The following RANBP2 variants were observed in gnomAD, a reference collection of about 807,000 sequenced individuals.
RANBP2 encodes the protein E3 SUMO-protein ligase RanBP2.
A neutral mutation model predicts 303.6 loss-of-function variants in RANBP2; 57 were observed. That is an observed-to-expected ratio of 0.19 (90% CI 0.15 to 0.23). RANBP2 has a LOEUF of 0.23. RANBP2 is among the 10% of genes least tolerant of loss of function. The probability of loss-of-function intolerance (pLI) is 1.00; values close to 1 mark genes in which losing one functional copy is unlikely to be tolerated. For synonymous variants in RANBP2, 1,167 were observed against 1,301.5 expected (o/e 0.90, Z 2.23); for missense variants, 3,138 against 3,780.8 (o/e 0.83, Z 4.46).
At chr2:109,398,093 C>T in the RANBP2 span, among the ~76,000 whole-genome samples, 2 of 152,186 alleles carry the variant, frequency 1.3e-5, no homozygotes, top group Non-Finnish European at 2.9e-5. Flanking sequence ...GACTCCCCTG[C>T]CACAGCCGGT....
At chr2:109,432,531 G>A in the RANBP2 span, 1 of 1,613,666 alleles carries the variant, frequency 6.2e-7, no homozygotes, top group South Asian at 1.1e-5. Context: ...ACAAGCCCCA[G>A]AAGAGTGACG....
At chr2:109,632,577 G>T in the RANBP2 span, among the ~76,000 whole-genome samples, 2 of 152,192 alleles carry the variant, frequency 1.3e-5, no homozygotes, top group East Asian at 3.9e-4. Context: ...ACTTTGGGAG[G>T]CCAAGGCAGG....
chr2:109,611,454 T>G, the RANBP2 span, among the ~76,000 whole-genome samples: 1 of 151,722 alleles, frequency 6.6e-6, no homozygotes, highest in Non-Finnish European at 1.5e-5. Flanking sequence ...GAATCTAGTA[T>G]ACCTAAAAAA....
At chr2:108,944,066 CG>C in the RANBP2 span, among the ~76,000 whole-genome samples, 1 of 152,208 alleles carries the variant, frequency 6.6e-6, no homozygotes, top group Non-Finnish European at 1.5e-5. Context: ...TATCCAGCCA[CG>C]TAGGAGCAAA....
At chr2:109,148,817 G>C in the RANBP2 span, among the ~76,000 whole-genome samples, 1 of 150,620 alleles carries the variant, frequency 6.6e-6, no homozygotes, top group East Asian at 1.9e-4. Context: ...TCTCAAAAAT[G>C]TGTAGGGACA....
At chr2:108,761,776 A>G (rs931014130) in intron 18 of RANBP2, among the ~76,000 whole-genome samples, 26 of 152,152 alleles carry the variant, frequency 1.7e-4, no homozygotes, top group Admixed American at 5.2e-4. Flanking sequence ...CTGAATGTCC[A>G]TAATTCCACA....
At chr2:109,531,473 G>A in the RANBP2 span, among the ~76,000 whole-genome samples, 6 of 152,318 alleles carry the variant, frequency 3.9e-5, 1 homozygote, top group South Asian at 4.1e-4. Flanking sequence ...AAATCATGGC[G>A]AATCCAATCC....
At chr2:109,222,298 T>G in the RANBP2 span, among the ~76,000 whole-genome samples, 1 of 152,314 alleles carries the variant, frequency 6.6e-6, no homozygotes, top group South Asian at 2.1e-4. Flanking sequence ...GGTGATTAGT[T>G]AACAACAATT....
Position 108,767,711 on chromosome 2 carries a change from C to G in RANBP2, c.7172C>G (p.Thr2391Ser), listed in dbSNP as rs2433786. ...CANHRITPDM[T>S]LQNMKGTERV... ...AATCACAGAATAACTCCAGACATGACTTTGCAAAATATGAAAGGGACAGAA... is the reference window on the plus strand; with the variant it reads ...AATCACAGAATAACTCCAGACATGAGTTTGCAAAATATGAAAGGGACAGAA... The change falls in exon 20 of 29, where the codon ACT becomes AGT. Residue 2391 changes from threonine (T) to serine (S), a missense_variant. By Grantham distance (58) the Thr-to-Ser change is moderately conservative (BLOSUM62 1). Around this residue, in one of 20 missense-constraint regions of RANBP2, gnomAD observed 92 missense variants for 211.0 expected, o/e 0.44. Coordinates refer to ENST00000283195, the MANE Select transcript of RANBP2 (RefSeq NM_006267.5). 4.1e-3 allele frequency: 6,547 copies of G among 1,596,446 alleles called. 79 individuals carry two copies. Among genetic ancestry groups the G allele is most frequent in the Non-Finnish European group, 4.9e-3 (5,693 of 1,165,310 alleles).
At chr2:109,283,949 G>A in the RANBP2 span, among the ~76,000 whole-genome samples, 1,628 of 152,250 alleles carry the variant, frequency 0.011, 28 homozygotes, top group African/African-American at 0.036. Context: ...CCGTGTTTCC[G>A]CCTCCCTCCT....
the RANBP2 span, among the ~76,000 whole-genome samples, chr2:109,424,705 G>A: frequency 6.6e-6 from 1 of 152,296 alleles, no homozygotes; most frequent in East Asian, 1.9e-4. Context: ...ATAAGACAGC[G>A]AACTTACTCG....
chr2:109,428,579 C>T, the RANBP2 span, among the ~76,000 whole-genome samples: 1 of 152,256 alleles, frequency 6.6e-6, no homozygotes, highest in Non-Finnish European at 1.5e-5. Flanking sequence ...TGTACTTGTC[C>T]TCAGCAACCT....
the RANBP2 span, among the ~76,000 whole-genome samples, chr2:109,335,790 A>G: frequency 6.6e-6 from 1 of 152,234 alleles, no homozygotes; most frequent in Non-Finnish European, 1.5e-5. Flanking sequence ...TAAATGTCCT[A>G]AAACCACTTC....
At chr2:109,718,763 A>C in the RANBP2 span, among the ~76,000 whole-genome samples, 1 of 152,070 alleles carries the variant, frequency 6.6e-6, no homozygotes. Context: ...GCAGATCATG[A>C]GGTCAGGAGA....
the RANBP2 span, among the ~76,000 whole-genome samples, chr2:109,226,624 T>G: frequency 6.6e-6 from 1 of 152,206 alleles, no homozygotes; most frequent in African/African-American, 2.4e-5. Flanking sequence ...TCCCCTTTCC[T>G]GAGTGTTTCT....
the RANBP2 span, among the ~76,000 whole-genome samples, chr2:109,495,477 CTTTTTTTTTTTTTTTTTT>C: frequency 0.093 from 8,849 of 94,852 alleles, 447 homozygotes; most frequent in Middle Eastern, 0.16. Context: ...TCTTTCATTC[CTTTTTTTTTTTTTTTTTT>C]TTTTTTTTTT....
the RANBP2 span, among the ~76,000 whole-genome samples, chr2:108,952,344 G>A: frequency 6.6e-6 from 1 of 152,160 alleles, no homozygotes; most frequent in Non-Finnish European, 1.5e-5. Context: ...TAAATATCAG[G>A]ATTTTGTTTC....
the RANBP2 span, among the ~76,000 whole-genome samples, chr2:109,573,840 T>G: frequency 6.6e-6 from 1 of 152,214 alleles, no homozygotes; most frequent in African/African-American, 2.4e-5. Context: ...GCTCCTTGGC[T>G]TGGAAATTCA....
the RANBP2 span, among the ~76,000 whole-genome samples, chr2:108,988,247 C>T: frequency 1.3e-5 from 2 of 152,184 alleles, no homozygotes; most frequent in Admixed American, 6.5e-5. Context: ...CCCAGCCACC[C>T]GCTTCTCCCT....
Sources: gnomAD v4.1 joint callset for allele counts (sites outside exome capture counted in the v4.1 genomes callset) on GRCh38, gnomAD v4.1.1 for gene constraint, gnomAD v4.1.1 regional missense constraint, MANE v1.5 for transcripts, NCBI Gene and HGNC (gene_info 2026-07-23, HGNC 2026-07-21) for gene names.